The following DNAJB14 variants were observed in gnomAD, a reference collection of about 807,000 sequenced individuals.
DNAJB14 encodes dnaJ homolog subfamily B member 14.
DNAJB14 carries 22 observed loss-of-function variants against 48.4 expected under a neutral mutation model. That is an observed-to-expected ratio of 0.45 (90% CI 0.32 to 0.65). DNAJB14 has a LOEUF of 0.65. DNAJB14 is among the 30% of genes least tolerant of loss of function. The pLI, the probability that DNAJB14 is intolerant of heterozygous loss-of-function variation, is 0.03. For synonymous variants in DNAJB14, 142 were observed against 158.7 expected, an observed-to-expected ratio of 0.89 and a Z score of 0.79; for missense variants, 319 against 458.8, an observed-to-expected ratio of 0.70 and a Z score of 2.78.
At chr4:99,922,275 GTATC>G (rs1321919691) in intron 3 of DNAJB14, among the ~76,000 whole-genome samples, 1 of 152,176 alleles carries the variant, frequency 6.6e-6, no homozygotes, top group Non-Finnish European at 1.5e-5. Flanking sequence ...TTTAAAATGA[GTATC>G]TACTTCCAGT....
intron 4 of DNAJB14, among the ~76,000 whole-genome samples, chr4:99,907,993 G>A (rs1010001034): frequency 6.6e-5 from 10 of 152,080 alleles, no homozygotes; most frequent in Non-Finnish European, 1.3e-4. Context: ...CAATTTAACT[G>A]TTGTTTATAT....
intron 1 of DNAJB14, among the ~76,000 whole-genome samples, chr4:99,938,729 T>C (rs1726780466): frequency 1.3e-5 from 2 of 152,332 alleles, no homozygotes; most frequent in South Asian, 4.1e-4. Context: ...TGTGTAAGTT[T>C]GTATTATTCT....
chr4:99,942,059 TTAAG>T (rs1283878037), intron 1 of DNAJB14: 2 of 152,036 alleles, frequency 1.3e-5, no homozygotes. Flanking sequence ...TTAAACCATT[TTAAG>T]TAAGACAAAA....
chr4:99,939,035 G>T (rs1343504695), intron 1 of DNAJB14, among the ~76,000 whole-genome samples: 2 of 152,100 alleles, frequency 1.3e-5, no homozygotes, highest in African/African-American at 2.4e-5. Flanking sequence ...TGTAGAGCCA[G>T]ATATGAAAGT....
intron 6 of DNAJB14, among the ~76,000 whole-genome samples, chr4:99,904,582 C>T (rs1378289355): frequency 6.6e-6 from 1 of 152,036 alleles, no homozygotes; most frequent in Non-Finnish European, 1.5e-5. Flanking sequence ...ATTACAAAAT[C>T]TGAAAAAATC....
At chr4:99,912,400 T>G (rs999153605) in intron 3 of DNAJB14, among the ~76,000 whole-genome samples, 3 of 152,204 alleles carry the variant, frequency 2.0e-5, no homozygotes, top group Non-Finnish European at 2.9e-5. Context: ...AGAATAAAAC[T>G]TGTTTCTATC....
intron 2 of DNAJB14, chr4:99,928,799 A>C (rs1461290334): frequency 6.4e-6 from 1 of 156,744 alleles, no homozygotes; most frequent in African/African-American, 2.4e-5. Context: ...CATTGAGAAT[A>C]TGTTCTCCCA....
At position 99,905,606 on chromosome 4, in the gene DNAJB14, T is replaced by A. The variant is rs1653082051; in HGVS notation, c.833A>T (p.Tyr278Phe). 1.2e-6 allele frequency: 2 copies of A among 1,608,484 alleles called. No individual in the cohort carries two copies. Among genetic ancestry groups the A allele is most frequent in the Non-Finnish European group, 1.7e-6 (2 of 1,177,348 alleles). ...LMVSNPPYSLYPRSGTGQTIK... is the reference protein window; with the variant it reads ...LMVSNPPYSLFPRSGTGQTIK... ...TCACTTGGCTACTTACGATCTGGGATATAAGGAATAAGGAGGATTAGAGAC... is the reference window on the plus strand; with the variant it reads ...TCACTTGGCTACTTACGATCTGGGAAATAAGGAATAAGGAGGATTAGAGAC... Residue 278 changes from tyrosine (Y) to phenylalanine (F), a missense_variant, in exon 6 of 8, where the codon TAT (tyrosine) becomes TTT (phenylalanine). Around this residue, in one of 3 missense-constraint regions of DNAJB14, gnomAD observed 166 missense variants for 236.3 expected, o/e 0.70. Transcript: ENST00000442697.
At chr4:99,909,105 T>C (rs1426212814) in intron 3 of DNAJB14, among the ~76,000 whole-genome samples, 3 of 152,116 alleles carry the variant, frequency 2.0e-5, no homozygotes, top group African/African-American at 7.2e-5. Flanking sequence ...GTCTCTCTAC[T>C]GCCTTGAAAA....
At position 99,899,178 on chromosome 4, in the gene DNAJB14, A is replaced by G. The variant is rs552677250; in HGVS notation, c.*1850T>C. 22 of 152,078 alleles carry G rather than the reference A, an allele frequency of 1.4e-4. No individual in the cohort carries two copies. The highest frequency in any genetic ancestry group is 4.8e-4 in the African/African-American group (20 of 41,556). The allele number at this position is 152,078 out of a possible 1,614,324, so 9.4% of individuals were successfully genotyped here. ...TTAAGGGAAAAAGAATCAGTCAACA[A>G]GAAGGTAAGTTCACAGAATTATCAG... On this transcript the variant is annotated 3_prime_UTR_variant, in exon 8 of 8. Coordinates refer to ENST00000442697, the MANE Select transcript of DNAJB14 (RefSeq NM_001031723.4).
rs1725268298 is a variant in DNAJB14, at chr4:99,900,694, C to G, written c.*334G>C. The G allele has an allele frequency of 5.6e-6, 1 of 177,182 alleles. No individual in the cohort carries two copies. Among genetic ancestry groups the G allele is most frequent in the Non-Finnish European group, 1.2e-5 (1 of 84,706 alleles). 11.0% of individuals were successfully genotyped at this position (177,182 alleles called of 1,614,324 possible). A position where few individuals can be genotyped will look rare whatever the true frequency, so the allele number is the denominator to read the frequency against. On this transcript the variant is annotated 3_prime_UTR_variant, in exon 8 of 8. Coordinates refer to ENST00000442697, the MANE Select transcript of DNAJB14 (RefSeq NM_001031723.4). ...CTGTATGTACACAAAATGATCATTC[C>G]ATAAATATTTACATGACAAGGGAAA...
At chr4:99,914,522 A>T (rs1380974321) in intron 3 of DNAJB14, among the ~76,000 whole-genome samples, 1 of 152,166 alleles carries the variant, frequency 6.6e-6, no homozygotes. Context: ...GAGGGATAGC[A>T]TTAGGAGAAA....
chr4:99,945,496 A>T (rs1468911714), intron 1 of DNAJB14, among the ~76,000 whole-genome samples: 1 of 152,248 alleles, frequency 6.6e-6, no homozygotes, highest in Non-Finnish European at 1.5e-5. Context: ...CGAGTCTGAA[A>T]GTTCAGCTAC....
chr4:99,922,511 AAAT>A (rs1200327419), intron 3 of DNAJB14: 1 of 152,018 alleles, frequency 6.6e-6, no homozygotes, highest in East Asian at 1.9e-4. Flanking sequence ...GAAAATAAAA[AAAT>A]AAATAGTAGG....
At position 99,923,135 on chromosome 4, in the gene DNAJB14, G is replaced by A. The variant is rs761227621; in HGVS notation, c.356C>T (p.Ala119Val). The A allele has an allele frequency of 6.2e-7, 1 of 1,612,338 alleles. No individual in the cohort carries two copies. The highest frequency in any genetic ancestry group is 8.5e-7 in the Non-Finnish European group (1 of 1,179,112). ...AGCTTTTTTCAAATCTTCATCACCA[G>A]CATCTTTCGTAACTCCAAGTACTTC... is the stretch of plus-strand genomic sequence containing the variant. ...YYEVLGVTKD[A>V]GDEDLKKAYR... The change falls in exon 3 of 8, where the codon GCT becomes GTT. Residue 119 changes from alanine (A) to valine (V), a missense_variant. Transcript: ENST00000442697.
rs1250174393 is a variant in DNAJB14, at chr4:99,899,553, T to A, written c.*1475A>T. The A allele has an allele frequency of 1.3e-5, 2 of 152,224 alleles. No homozygotes were observed. The highest frequency in any genetic ancestry group is 2.4e-5 in the African/African-American group (1 of 41,412). 9.4% of individuals were successfully genotyped at this position (152,224 alleles called of 1,614,324 possible). On this transcript the variant is annotated 3_prime_UTR_variant, in exon 8 of 8. Coordinates refer to ENST00000442697, the MANE Select transcript of DNAJB14 (RefSeq NM_001031723.4). ...GATACAACAGAACATTTTTAAGAGG[T>A]CATTTTAGCAGTTTTATTCAACAGA...
At position 99,896,878 on chromosome 4, in the gene DNAJB14, T is replaced by C. The variant is rs1261162595; in HGVS notation, c.*4150A>G. 1 of 152,138 alleles carries C rather than the reference T, an allele frequency of 6.6e-6. No homozygotes were observed. The highest frequency in any genetic ancestry group is 2.4e-5 in the African/African-American group (1 of 41,438). The allele number at this position is 152,138 out of a possible 1,614,324, so 9.4% of individuals were successfully genotyped here. On this transcript the variant is annotated 3_prime_UTR_variant, in exon 8 of 8. Coordinates refer to ENST00000442697, the MANE Select transcript of DNAJB14 (RefSeq NM_001031723.4). ...ATCTGCTATGCAGTTACAAGACATC[T>C]TGGCAACTAGTCATCCCAGTTTTTA...
chr4:99,921,905 G>C (rs545766082), intron 3 of DNAJB14, among the ~76,000 whole-genome samples: 1 of 151,982 alleles, frequency 6.6e-6, no homozygotes, highest in Non-Finnish European at 1.5e-5. Context: ...CTTTATCTTT[G>C]TTTAATAAAG....
chr4:99,943,526 A>T (rs1222021551), intron 1 of DNAJB14, among the ~76,000 whole-genome samples: 1 of 152,216 alleles, frequency 6.6e-6, no homozygotes, highest in Non-Finnish European at 1.5e-5. Context: ...ACCAAAATTA[A>T]TTGAGTGCTT....
Sources: allele counts gnomAD v4.1 joint callset (sites outside exome capture counted in the v4.1 genomes callset), GRCh38; gene constraint gnomAD v4.1.1; regional missense constraint gnomAD v4.1.1; transcripts MANE v1.5; gene names NCBI Gene and HGNC (gene_info 2026-07-23, HGNC 2026-07-21).